DPP6: variants seen among roughly 807,000 people sequenced by gnomAD.
DPP6 encodes dipeptidyl peptidase like 6, also known as A-type potassium channel modulatory protein DPP6.
DPP6 carries 69 observed loss-of-function variants against 122.6 expected under a neutral mutation model. The observed-to-expected ratio is 0.56, with a 90% CI of 0.46 to 0.69. The LOEUF is 0.69. DPP6 is among the 30% of genes least tolerant of loss of function. DPP6 has a pLI of 0.00. For missense variants in DPP6, 928 were observed against 1,116.9 expected, an observed-to-expected ratio of 0.83 and a Z score of 2.41; for synonymous variants, 418 against 433.1, an observed-to-expected ratio of 0.97 and a Z score of 0.43.
chr7:154,781,835 C>T (rs901253273), intron 10 of DPP6, among the ~76,000 whole-genome samples: 2 of 152,192 alleles, frequency 1.3e-5, no homozygotes, highest in African/African-American at 4.8e-5. Context: ...TACTGCCACA[C>T]AACTGTCAGA....
chr7:154,377,018 T>G (rs1813187822), intron 1 of DPP6, among the ~76,000 whole-genome samples: 1 of 152,100 alleles, frequency 6.6e-6, no homozygotes, highest in Non-Finnish European at 1.5e-5. Flanking sequence ...GACAAACAAG[T>G]CAAATTAATA....
At chr7:154,752,068 A>G (rs1463409475) in intron 8 of DPP6, among the ~76,000 whole-genome samples, 1 of 152,210 alleles carries the variant, frequency 6.6e-6, no homozygotes, top group African/African-American at 2.4e-5. Flanking sequence ...CTTGGAAAGC[A>G]AAGGGAGGAA....
chr7:154,459,686 G>T (rs1480506063), intron 2 of DPP6, among the ~76,000 whole-genome samples: 2 of 150,904 alleles, frequency 1.3e-5, no homozygotes, highest in Non-Finnish European at 3.0e-5. Context: ...GCGTCATGGC[G>T]CGTGCCTGTA....
At chr7:154,854,951 G>C (rs1156588679) in intron 17 of DPP6, among the ~76,000 whole-genome samples, 1 of 152,058 alleles carries the variant, frequency 6.6e-6, no homozygotes, top group African/African-American at 2.4e-5. Flanking sequence ...CCTGGCAGGA[G>C]GGCAAACTTC....
At chr7:153,970,480 C>G (rs577257017) in intron 1 of DPP6, among the ~76,000 whole-genome samples, 1 of 152,072 alleles carries the variant, frequency 6.6e-6, no homozygotes, top group Non-Finnish European at 1.5e-5. Context: ...TTTGAAGAGC[C>G]GAGTCTTTTA....
At chr7:154,485,684 C>A (rs940841909) in intron 3 of DPP6, among the ~76,000 whole-genome samples, 1 of 152,298 alleles carries the variant, frequency 6.6e-6, no homozygotes, top group East Asian at 1.9e-4. Context: ...TCATTTAGCG[C>A]CAGCAGCAGC....
At chr7:153,931,078 C>G (rs1233800227) in intron 1 of DPP6, among the ~76,000 whole-genome samples, 1 of 152,164 alleles carries the variant, frequency 6.6e-6, no homozygotes, top group Non-Finnish European at 1.5e-5. Context: ...GGAAATGACG[C>G]TCACTGGGAT....
At chr7:154,350,015 TAGG>T (rs1810715630) in intron 1 of DPP6, among the ~76,000 whole-genome samples, 1 of 152,182 alleles carries the variant, frequency 6.6e-6, no homozygotes, top group Admixed American at 6.5e-5. Flanking sequence ...TCTCTTAACT[TAGG>T]AGGAGGACAG....
At chr7:154,306,712 C>T (rs895128865) in intron 1 of DPP6, among the ~76,000 whole-genome samples, 7 of 152,168 alleles carry the variant, frequency 4.6e-5, no homozygotes, top group African/African-American at 1.4e-4. Flanking sequence ...CCATCATTAT[C>T]ATCATCTAAA....
intron 10 of DPP6, among the ~76,000 whole-genome samples, chr7:154,793,212 T>C (rs748342376): frequency 1.3e-4 from 20 of 152,180 alleles, no homozygotes; most frequent in Admixed American, 2.0e-4. Flanking sequence ...TCATTATAGA[T>C]AGAGAAGGGG....
intron 1 of DPP6, among the ~76,000 whole-genome samples, chr7:154,064,339 G>A (rs1255788037): frequency 6.6e-6 from 1 of 152,162 alleles, no homozygotes; most frequent in Non-Finnish European, 1.5e-5. Context: ...ACATCAGCAA[G>A]CTGGGCAGCG....
intron 3 of DPP6, among the ~76,000 whole-genome samples, chr7:154,531,162 T>C (rs1827811004): frequency 6.6e-6 from 1 of 152,126 alleles, no homozygotes; most frequent in African/African-American, 2.4e-5. Context: ...CTGCACATCC[T>C]GCACATGTAC....
intron 10 of DPP6, among the ~76,000 whole-genome samples, chr7:154,784,943 C>G (rs981838677): frequency 5.9e-5 from 9 of 152,076 alleles, no homozygotes; most frequent in African/African-American, 2.2e-4. Flanking sequence ...AAACTTATTT[C>G]TTGAGGAGCT....
chr7:154,501,461 T>C (rs1825238272), intron 3 of DPP6, among the ~76,000 whole-genome samples: 1 of 152,176 alleles, frequency 6.6e-6, no homozygotes, highest in African/African-American at 2.4e-5. Flanking sequence ...TCATGTGCTG[T>C]GTGCAGCCTA....
chr7:154,839,495 C>T (rs1801346782), intron 16 of DPP6, among the ~76,000 whole-genome samples: 1 of 152,204 alleles, frequency 6.6e-6, no homozygotes, highest in Non-Finnish European at 1.5e-5. Flanking sequence ...GAAATGGGGA[C>T]GTAGCGCCTC....
intron 1 of DPP6, among the ~76,000 whole-genome samples, chr7:154,254,272 C>T (rs555798062): frequency 6.6e-6 from 1 of 152,108 alleles, no homozygotes. Flanking sequence ...CCTTATTTTG[C>T]TTGAAGTTGA....
At chr7:154,429,006 T>C (rs1394312758) in intron 1 of DPP6, among the ~76,000 whole-genome samples, 1 of 152,084 alleles carries the variant, frequency 6.6e-6, no homozygotes, top group Non-Finnish European at 1.5e-5. Flanking sequence ...TAAAATAAAA[T>C]AAAACATAAA....
At chr7:154,394,486 T>C (rs1394633917) in intron 1 of DPP6, among the ~76,000 whole-genome samples, 1 of 31,336 alleles carries the variant, frequency 3.2e-5, no homozygotes, top group Non-Finnish European at 7.5e-5. Flanking sequence ...TGTTAATTCC[T>C]TATTACATAT....
chr7:154,774,584 T>G (rs59157524), intron 10 of DPP6, among the ~76,000 whole-genome samples: 3,106 of 152,358 alleles, frequency 0.02, 96 homozygotes, highest in African/African-American at 0.071. Context: ...TGCTCTCATT[T>G]CCTAAGCTCA....
Sources: gnomAD v4.1 joint callset for allele counts (sites outside exome capture counted in the v4.1 genomes callset) on GRCh38, gnomAD v4.1.1 for gene constraint, MANE v1.5 for transcripts, NCBI Gene and HGNC (gene_info 2026-07-23, HGNC 2026-07-21) for gene names.